Variants in SPINK13 observed in about 807,000 individuals in gnomAD.
The protein encoded by SPINK13 is serine peptidase inhibitor Kazal type 13, also known as serine protease inhibitor Kazal-type 13.
SPINK13 carries 11 observed loss-of-function variants against 11.0 expected under a neutral mutation model. The observed-to-expected ratio is 1.00, with a 90% CI of 0.63 to 1.65. The LOEUF (loss-of-function observed/expected upper bound fraction) is 1.65, where lower values mean the gene tolerates loss of function less well. Ranked by LOEUF, SPINK13 falls within the 40% of genes most tolerant of loss-of-function variation. The pLI, the probability that SPINK13 is intolerant of heterozygous loss-of-function variation, is 0.00. For missense variants in SPINK13, 113 were observed against 117.7 expected, an observed-to-expected ratio of 0.96 and a Z score of 0.19; for synonymous variants, 31 against 35.6, an observed-to-expected ratio of 0.87 and a Z score of 0.46.
chr5:148,270,856 G>A (rs1467600999), intron 2 of SPINK13: 3 of 152,250 alleles, frequency 2.0e-5, no homozygotes. Flanking sequence ...AGTTAGAATG[G>A]TGCAGTAAAA....
intron 2 of SPINK13, among the ~76,000 whole-genome samples, chr5:148,270,495 G>A (rs576159004): frequency 3.0e-4 from 45 of 152,198 alleles, no homozygotes; most frequent in African/African-American, 9.9e-4. Flanking sequence ...TGATAAATAT[G>A]ATAATGAAAA....
intron 1 of SPINK13, among the ~76,000 whole-genome samples, chr5:148,269,444 T>C (rs1228027566): frequency 1.3e-5 from 2 of 152,170 alleles, no homozygotes; most frequent in Non-Finnish European, 2.9e-5. Context: ...ACAATTTTTA[T>C]TAAGCATGAC....
chr5:148,280,531 ACAGT>A (rs1756497288), intron 3 of SPINK13, among the ~76,000 whole-genome samples: 1 of 152,164 alleles, frequency 6.6e-6, no homozygotes, highest in Non-Finnish European at 1.5e-5. Context: ...TTGCCTTCTA[ACAGT>A]CAGGCCCCTC....
chr5:148,270,739 T>C (rs139829370), intron 2 of SPINK13: 2 of 152,492 alleles, frequency 1.3e-5, no homozygotes, highest in African/African-American at 4.8e-5. Flanking sequence ...ATCCTAAGAT[T>C]GAAAAATTAT....
chr5:148,284,934 C>T (rs1756569051), intron 4 of SPINK13, among the ~76,000 whole-genome samples: 1 of 152,104 alleles, frequency 6.6e-6, no homozygotes, highest in Non-Finnish European at 1.5e-5. Context: ...TCTTAAAAAG[C>T]TTGTGGTCTT....
chr5:148,272,653 A>G (rs532721006), intron 2 of SPINK13, among the ~76,000 whole-genome samples: 2 of 152,208 alleles, frequency 1.3e-5, no homozygotes, highest in African/African-American at 2.4e-5. Context: ...TAGGATGTCA[A>G]TACTTCCTGT....
At chr5:148,269,707 C>T (rs1374765768) in intron 1 of SPINK13, among the ~76,000 whole-genome samples, 1 of 152,092 alleles carries the variant, frequency 6.6e-6, no homozygotes, top group Non-Finnish European at 1.5e-5. Flanking sequence ...AGGTAATTAA[C>T]AGCGAGATAA....
At chr5:148,278,435 C>T (rs931351477) in intron 3 of SPINK13, among the ~76,000 whole-genome samples, 52 of 152,302 alleles carry the variant, frequency 3.4e-4, no homozygotes, top group African/African-American at 1.3e-3. Context: ...CTGAACACTG[C>T]TTTAGCTGTG....
At chr5:148,269,817 G>T (rs1237199884) in intron 1 of SPINK13, among the ~76,000 whole-genome samples, 2 of 151,772 alleles carry the variant, frequency 1.3e-5, no homozygotes, top group African/African-American at 4.9e-5. Context: ...AACTGTGATT[G>T]TCAGCTAGTT....
intron 3 of SPINK13, among the ~76,000 whole-genome samples, chr5:148,274,861 T>C (rs747425866): frequency 2.5e-4 from 38 of 152,226 alleles, no homozygotes; most frequent in Non-Finnish European, 4.0e-4. Context: ...CTTTAAAATA[T>C]AATATTTTAG....
chr5:148,282,590 A>G (rs1041140931), intron 4 of SPINK13, among the ~76,000 whole-genome samples: 1 of 152,246 alleles, frequency 6.6e-6, no homozygotes, highest in African/African-American at 2.4e-5. Context: ...AAACCTATGA[A>G]TAGCACCTAT....
intron 3 of SPINK13, among the ~76,000 whole-genome samples, chr5:148,279,734 T>C (rs1756485071): frequency 6.6e-6 from 1 of 152,204 alleles, no homozygotes; most frequent in Non-Finnish European, 1.5e-5. Flanking sequence ...ATTTCAACCT[T>C]GGTGAAGCTG....
chr5:148,281,130 C>A (rs955057180), intron 3 of SPINK13, among the ~76,000 whole-genome samples: 1 of 152,142 alleles, frequency 6.6e-6, no homozygotes, highest in East Asian at 1.9e-4. Context: ...GGACGCCCCT[C>A]CCCCCACCAA....
intron 3 of SPINK13, among the ~76,000 whole-genome samples, chr5:148,278,752 T>C (rs908038716): frequency 6.6e-6 from 1 of 152,190 alleles, no homozygotes; most frequent in African/African-American, 2.4e-5. Context: ...TTTTGTTGAT[T>C]GGGGTGGAAA....
intron 3 of SPINK13, among the ~76,000 whole-genome samples, chr5:148,281,317 G>C: frequency 6.6e-6 from 1 of 151,872 alleles, no homozygotes; most frequent in East Asian, 1.9e-4. Flanking sequence ...GGCATTCCAA[G>C]CACCCCTGGG....
intron 3 of SPINK13, among the ~76,000 whole-genome samples, chr5:148,276,060 GT>G (rs1252905656): frequency 6.6e-6 from 1 of 152,050 alleles, no homozygotes; most frequent in Non-Finnish European, 1.5e-5. Flanking sequence ...GATGATGAGC[GT>G]TTTTTCATAT....
At chr5:148,269,244 G>T (rs1756311029) in intron 1 of SPINK13, among the ~76,000 whole-genome samples, 1 of 152,164 alleles carries the variant, frequency 6.6e-6, no homozygotes, top group Non-Finnish European at 1.5e-5. Context: ...ATTAATATCA[G>T]TTGATTCTTT....
chr5:148,274,781 A>G (rs758583007), intron 3 of SPINK13, among the ~76,000 whole-genome samples: 4 of 152,296 alleles, frequency 2.6e-5, no homozygotes, highest in South Asian at 2.1e-4. Flanking sequence ...GGTAAAGCAG[A>G]ATAGAAGGAT....
In SPINK13 at chr5:148,282,185, A is replaced by G; in HGVS notation, c.190A>G (p.Asn64Asp). 6.2e-7 allele frequency: 1 copy of G among 1,614,214 alleles called. No individual in the cohort carries two copies. Among genetic ancestry groups the G allele is most frequent in the Non-Finnish European group, 8.5e-7 (1 of 1,180,030 alleles). ...TGTGACAGCACCTGTTTGTGCCTCA[A>G]ATGGCCACACTTTCCAGAATGAGTG... Reference protein sequence around the residue: ...PNVTAPVCASNGHTFQNECFF... With the variant: ...PNVTAPVCASDGHTFQNECFF... Residue 64 changes from asparagine to aspartate, a missense_variant, in exon 4 of 5, where the codon AAT (asparagine) becomes GAT (aspartate). Coordinates refer to ENST00000398450, the MANE Select transcript of SPINK13 (RefSeq NM_001040129.3).
Sources: gnomAD v4.1 joint callset for allele counts (sites outside exome capture counted in the v4.1 genomes callset) on GRCh38, gnomAD v4.1.1 for gene constraint, MANE v1.5 for transcripts, NCBI Gene and HGNC (gene_info 2026-07-23, HGNC 2026-07-21) for gene names.